The following ILDR2 variants were observed in gnomAD, a reference collection of about 807,000 sequenced individuals.
ILDR2 encodes the protein immunoglobulin like domain containing receptor 2, also known as immunoglobulin-like domain-containing receptor 2.
ILDR2 carries 25 observed loss-of-function variants against 66.8 expected under a neutral mutation model. The ratio of observed to expected loss-of-function variants is 0.37; its 90% confidence interval spans 0.27 to 0.52. The LOEUF (loss-of-function observed/expected upper bound fraction) is 0.52. Among genes scored for constraint, ILDR2 ranks in the 20% least tolerant of loss-of-function variants. The pLI is 0.88. For missense variants in ILDR2, 827 were observed against 876.8 expected (o/e 0.94, Z 0.72); for synonymous variants, 367 against 357.2 (o/e 1.03, Z -0.31).
At chr1:166,951,556 T>C (rs1244350283) in intron 3 of ILDR2, among the ~76,000 whole-genome samples, 1 of 152,252 alleles carries the variant, frequency 6.6e-6, no homozygotes, top group Non-Finnish European at 1.5e-5. Flanking sequence ...GTGAGATCTT[T>C]AGGAGATACT....
chr1:166,897,595 G>C (rs1341099500), intron 2 of ILDR2, among the ~76,000 whole-genome samples: 1 of 152,192 alleles, frequency 6.6e-6, no homozygotes, highest in Non-Finnish European at 1.5e-5. Flanking sequence ...CTTGGAGATT[G>C]AGTTCAATCA....
chr1:166,960,150 G>A (rs541907949), intron 1 of ILDR2, among the ~76,000 whole-genome samples: 1 of 152,290 alleles, frequency 6.6e-6, no homozygotes, highest in South Asian at 2.1e-4. Context: ...CAATGAAAAA[G>A]TAGGTCCTAA....
At chr1:166,964,426 G>A (rs1662810665) in intron 1 of ILDR2, among the ~76,000 whole-genome samples, 2 of 152,172 alleles carry the variant, frequency 1.3e-5, no homozygotes, top group African/African-American at 4.8e-5. Context: ...CTAACTATAA[G>A]GTCCCTGAGG....
intron 6 of ILDR2, among the ~76,000 whole-genome samples, chr1:166,929,135 A>G (rs1660478955): frequency 6.6e-6 from 1 of 152,228 alleles, no homozygotes; most frequent in South Asian, 2.1e-4. Flanking sequence ...GGGACCTCAA[A>G]GAAATGGTGA....
At chr1:166,970,339 T>A (rs1663212167) in intron 1 of ILDR2, among the ~76,000 whole-genome samples, 1 of 152,108 alleles carries the variant, frequency 6.6e-6, no homozygotes, top group Non-Finnish European at 1.5e-5. Flanking sequence ...TGAAAAAAAA[T>A]AAATAACTGG....
Position 166,921,326 on chromosome 1 carries a change from AC to A in ILDR2, c.1264del (p.Val422CysfsTer67). The stretch of plus-strand genomic sequence containing the variant: ...CAGCTCGTCCATGGAAACGGCCGGC[AC>A]CCCCGTGGCGAAGTTCTTCCGCGAC... ...MLSRKNFATG[V>X]PAVSMDELAA... On this transcript the variant is annotated frameshift_variant, in exon 9 of 10. Coordinates refer to ENST00000271417, the MANE Select transcript of ILDR2 (RefSeq NM_199351.3). LOFTEE classifies it high-confidence loss of function. The surrounding 1 kb of genome is among the most constrained non-coding windows in gnomAD (Gnocchi z 5.3). 1 of 1,586,558 alleles carries A rather than the reference AC, an allele frequency of 6.3e-7. No homozygotes were observed. The highest frequency in any genetic ancestry group is 8.6e-7 in the Non-Finnish European group (1 of 1,163,592).
At chr1:166,926,959 T>C in intron 7 of ILDR2, 108 bp downstream of exon 7, 1 of 667,600 alleles carries the variant, frequency 1.5e-6, no homozygotes, top group South Asian at 2.2e-5. Context: ...CCCCTGCTAA[T>C]TCTAAGCCTG....
chr1:166,922,440 T>C (rs1239764600), intron 8 of ILDR2, among the ~76,000 whole-genome samples, 153 bp downstream of exon 8: 2 of 152,176 alleles, frequency 1.3e-5, no homozygotes, highest in African/African-American at 2.4e-5. Flanking sequence ...AAATGTGAGA[T>C]GTTCAATATC....
chr1:166,936,205 TA>T lies in ILDR2; in HGVS notation c.703+385del, dbSNP rs1167482438. Among the ~76,000 whole-genome samples the T allele has an allele frequency of 6.6e-6, 1 of 152,138 alleles. No homozygotes were observed. The highest frequency in any genetic ancestry group is 1.5e-5 in the Non-Finnish European group (1 of 68,008). On this transcript the variant is annotated intron_variant, in intron 5 of 9. Transcript: ENST00000271417. This position sits in a 1 kb window ranked among gnomAD's most constrained non-coding sequence, Gnocchi z 5.0. The stretch of plus-strand genomic sequence containing the variant: ...CCACAGTTTGCACACTCTTCTCATA[TA>T]AAAAGGAACTTCTCTGCATGGGAAG...
chr1:166,926,955 C>T, intron 7 of ILDR2, 112 bp downstream of exon 7: 1 of 633,764 alleles, frequency 1.6e-6, no homozygotes. Context: ...AGCACCCCTG[C>T]TAATTCTAAG....
chr1:166,963,954 A>G (rs1483048827), intron 1 of ILDR2, among the ~76,000 whole-genome samples: 1 of 152,164 alleles, frequency 6.6e-6, no homozygotes, highest in Admixed American at 6.5e-5. Context: ...TCAAACTCCT[A>G]TAAAGAAATT....
chr1:166,903,837 C>T (rs1051133069), downstream of ILDR2, among the ~76,000 whole-genome samples: 7 of 152,162 alleles, frequency 4.6e-5, no homozygotes, highest in Non-Finnish European at 8.8e-5. Flanking sequence ...GAACTCTGCC[C>T]GATGGTCCTC....
chr1:166,923,003 A>G (rs1002268033), intron 7 of ILDR2, among the ~76,000 whole-genome samples, 194 bp from the exon 8 acceptor site: 1 of 152,164 alleles, frequency 6.6e-6, no homozygotes, highest in Non-Finnish European at 1.5e-5. Context: ...TTTGAAGCCT[A>G]CTTGCTTACA....
chr1:166,921,357 T>C lies in ILDR2; in HGVS notation c.1234A>G (p.Met412Val). 6.3e-7 allele frequency: 1 copy of C among 1,576,246 alleles called. No homozygotes were observed. Among genetic ancestry groups the C allele is most frequent in the Non-Finnish European group, 8.6e-7 (1 of 1,157,002 alleles). ...GTGGCGAAGTTCTTCCGCGACAGCA[T>C]CTCCGACTTGGAGCGCGGCTGGCTG... ...RHSQPRSKSE[M>V]LSRKNFATGV... The change falls in exon 9 of 10, where the codon ATG (methionine) becomes GTG (valine). Residue 412 changes from methionine to valine, a missense_variant. Coordinates refer to ENST00000271417, the MANE Select transcript of ILDR2 (RefSeq NM_199351.3). The surrounding 1 kb of genome is among the most constrained non-coding windows in gnomAD (Gnocchi z 5.3).
At chr1:166,971,053 T>A (rs970561654) in intron 1 of ILDR2, among the ~76,000 whole-genome samples, 12 of 152,182 alleles carry the variant, frequency 7.9e-5, no homozygotes, top group Non-Finnish European at 4.4e-5. Context: ...TACCTGAACA[T>A]GAAACCAGAC....
chr1:166,909,783 A>T lies in ILDR2; in HGVS notation c.*9572T>A, dbSNP rs1447255532. Reference sequence around the variant, plus strand: ...TAAATATATATAAATATATATATTTATATATATATATATATATATATATCC... The same window carrying T: ...TAAATATATATAAATATATATATTTTTATATATATATATATATATATATCC... On this transcript the variant is annotated 3_prime_UTR_variant, in exon 10 of 10. Coordinates refer to ENST00000271417, the MANE Select transcript of ILDR2 (RefSeq NM_199351.3). 6.3e-5 allele frequency: 5 copies of T among 79,436 alleles called. No homozygotes were observed. Among genetic ancestry groups the T allele is most frequent in the South Asian group, 4.4e-4 (1 of 2,258 alleles). The allele number at this position is 79,436 out of a possible 1,614,324, so 4.9% of individuals were successfully genotyped here. A position where few individuals can be genotyped will look rare whatever the true frequency, so the allele number is the denominator to read the frequency against.
chr1:166,896,655 G>A (rs1174917266), intron 2 of ILDR2, among the ~76,000 whole-genome samples: 2 of 130,640 alleles, frequency 1.5e-5, no homozygotes, highest in African/African-American at 5.9e-5. Context: ...TTTTTTTTGA[G>A]ACAGATTCTC....
At chr1:166,974,530 C>T (rs1016189172) in intron 1 of ILDR2, among the ~76,000 whole-genome samples, 2 of 152,208 alleles carry the variant, frequency 1.3e-5, no homozygotes, top group African/African-American at 4.8e-5. Context: ...CTAAATCTCT[C>T]TGCAAATTAT....
At chr1:166,958,451 CTCTT>C (rs1557953977) in intron 1 of ILDR2, among the ~76,000 whole-genome samples, 1 of 152,134 alleles carries the variant, frequency 6.6e-6, no homozygotes, top group Non-Finnish European at 1.5e-5. Flanking sequence ...CCCCTTCACT[CTCTT>C]TCTCTCCTGC....
Sources: gnomAD v4.1 joint callset for allele counts (sites outside exome capture counted in the v4.1 genomes callset) on GRCh38, gnomAD v4.1.1 for gene constraint, Gnocchi (gnomAD v3.1) non-coding constraint, MANE v1.5 for transcripts, NCBI Gene and HGNC (gene_info 2026-07-23, HGNC 2026-07-21) for gene names.